Variants in ZNF671 observed in about 807,000 individuals in gnomAD.
The protein encoded by ZNF671 is hypothetical protein FLJ23506.
A neutral mutation model predicts 16.6 loss-of-function variants in ZNF671; 19 were observed. That is an observed-to-expected ratio of 1.14 (90% CI 0.80 to 1.68). The LOEUF is 1.68. Among genes scored for constraint, ZNF671 ranks in the 40% most tolerant of loss-of-function variants. The pLI is 0.00. For missense variants in ZNF671, 637 were observed against 659.8 expected, an observed-to-expected ratio of 0.97 and a Z score of 0.38; for synonymous variants, 238 against 236.3, an observed-to-expected ratio of 1.01 and a Z score of -0.06.
chr19:57,725,531 G>A (rs1010498951), intron 1 of ZNF671, among the ~76,000 whole-genome samples: 1 of 152,114 alleles, frequency 6.6e-6, no homozygotes, highest in Non-Finnish European at 1.5e-5. Flanking sequence ...TCGGGAGGCT[G>A]AGGTAGGAGA....
chr19:57,725,752 C>G (rs1295382675), intron 1 of ZNF671, among the ~76,000 whole-genome samples: 5 of 151,950 alleles, frequency 3.3e-5, no homozygotes, highest in Non-Finnish European at 7.4e-5. Context: ...GCCTGGCCAA[C>G]ATGGTGAAAC....
chr19:57,724,098 C>G (rs1024088114), intron 1 of ZNF671, among the ~76,000 whole-genome samples: 20 of 151,508 alleles, frequency 1.3e-4, no homozygotes, highest in African/African-American at 4.9e-4. Flanking sequence ...TGCTCCAAAC[C>G]ATCAATGGCC....
chr19:57,722,244 T>G (rs1447528385), intron 3 of ZNF671, 72 bp downstream of exon 3: 3 of 1,585,080 alleles, frequency 1.9e-6, no homozygotes, highest in Non-Finnish European at 2.6e-6. Context: ...AAACAAACAC[T>G]GATGTGAACA....
chr19:57,721,063 G>A lies in ZNF671; in HGVS notation c.1023C>T (p.Tyr341=), dbSNP rs199775496. The change falls in exon 4 of 4, where the codon TAC becomes TAT. Residue 341 remains tyrosine (Y), a synonymous_variant. Coordinates refer to ENST00000317398, the MANE Select transcript of ZNF671 (RefSeq NM_024833.3). ...HQTVHTGERP[Y]ECSECGKFFR... is the part of the protein sequence containing the mutation. ...AGAATTTCCCACATTCGCTGCACTC[G>A]TATGGCCTTTCTCCAGTGTGAACTG... 72 of 1,613,888 alleles carry A rather than the reference G, an allele frequency of 4.5e-5. No homozygotes were observed. The highest frequency in any genetic ancestry group is 1.8e-4 in the South Asian group (16 of 91,060).
chr19:57,726,196 C>T (rs1048266390), intron 1 of ZNF671, among the ~76,000 whole-genome samples: 1 of 150,004 alleles, frequency 6.7e-6, no homozygotes, highest in African/African-American at 2.5e-5. Flanking sequence ...GTTGTGGGCA[C>T]CTGTAATCTC....
rs78797427 is a variant in ZNF671, at chr19:57,720,878, C to T, written c.1208G>A (p.Gly403Glu). The change falls in exon 4 of 4, where the codon GGG becomes GAG. Residue 403 changes from glycine (G) to glutamate (E), a missense_variant. By Grantham distance (98) the Gly-to-Glu change is moderately conservative. Transcript: ENST00000317398. The stretch of plus-strand genomic sequence containing the variant: ...TGTGTGTTTCCGACTGAACTCTTTC[C>T]CACATTCGCTGCATACATAAGGCCT... ...GARPYVCSEC[G>E]KEFSRKHTLV... The T allele has an allele frequency of 2.6e-3, 4,257 of 1,614,124 alleles. 99 individuals are homozygous for T. In the African/African-American group the frequency reaches 0.049, roughly 19 times the overall value.
intron 2 of ZNF671, 57 bp downstream of exon 2, chr19:57,723,157 A>G (rs1369225252): frequency 3.9e-6 from 6 of 1,540,024 alleles, no homozygotes; most frequent in Admixed American, 3.9e-5. Flanking sequence ...AGCGGTGCTC[A>G]TGATCCCACC....
chr19:57,723,148 G>A (rs1361270918), intron 2 of ZNF671, 66 bp downstream of exon 2: 2 of 1,524,030 alleles, frequency 1.3e-6, no homozygotes, highest in East Asian at 2.3e-5. Flanking sequence ...GGTGAAGGAA[G>A]CGGTGCTCAT....
rs768832169 is a variant in ZNF671, at chr19:57,723,199, G to T, written c.265+15C>A. ...AGAACAGAGTGGTAAAGGCAGAAAA[G>T]CATGAGGACCTTACCCAGTGAGGCT... is the stretch of plus-strand genomic sequence containing the variant. On this transcript the variant is annotated intron_variant, in intron 2 of 3. Transcript: ENST00000317398. 6.3e-7 allele frequency: 1 copy of T among 1,599,010 alleles called. No homozygotes were observed. The highest frequency in any genetic ancestry group is 1.1e-5 in the South Asian group (1 of 89,654).
intron 1 of ZNF671, among the ~76,000 whole-genome samples, chr19:57,724,544 TA>T (rs1439398146): frequency 6.7e-6 from 1 of 149,218 alleles, no homozygotes; most frequent in Non-Finnish European, 1.5e-5. Context: ...TTTTTTTTTT[TA>T]GACAGATTCT....
chr19:57,724,839 G>A (rs1985992805), intron 1 of ZNF671, among the ~76,000 whole-genome samples: 1 of 152,108 alleles, frequency 6.6e-6, no homozygotes, highest in Non-Finnish European at 1.5e-5. Flanking sequence ...TTAGGCATTT[G>A]ACACAGATCT....
Position 57,721,486 on chromosome 19 carries a change from T to A in ZNF671, c.600A>T (p.Gln200His). The change falls in exon 4 of 4, where the codon CAA becomes CAT. Residue 200 changes from glutamine (Q) to histidine (H), a missense_variant. Physicochemically the swap from Gln to His is conservative, Grantham distance 24. Coordinates refer to ENST00000317398, the MANE Select transcript of ZNF671 (RefSeq NM_024833.3). ...KPYLCGACGK[Q>H]FWFSTDFDQH... is the part of the protein sequence containing the mutation. ...GGTCAAAGTCTGTACTGAACCAGAA[T>A]TGCTTTCCACATGCCCCACACAAGT... 1 of 1,614,242 alleles carries A rather than the reference T, an allele frequency of 6.2e-7. No homozygotes were observed. Among genetic ancestry groups the A allele is most frequent in the Non-Finnish European group, 8.5e-7 (1 of 1,180,050 alleles).
At chr19:57,722,007 A>G in intron 3 of ZNF671, 1 of 550,010 alleles carries the variant, frequency 1.8e-6, no homozygotes, top group Non-Finnish European at 3.2e-6. Context: ...TCCAACTACA[A>G]GTGAGCAGCT....
In ZNF671 at chr19:57,721,619, G is replaced by A. The variant is rs184468543; in HGVS notation, c.467C>T (p.Thr156Ile). ...IFVAGVSEVR[T>I]LMAELESHPC... ...GTGAGACTCCAGCTCTGCCATGAGA[G>A]TCCTGACCTCTGACACTCCTGCTAC... is the stretch of plus-strand genomic sequence containing the variant. Residue 156 changes from threonine to isoleucine, a missense_variant, in exon 4 of 4, where the codon ACT (threonine) becomes ATT (isoleucine). Physicochemically the swap from Thr to Ile is moderately conservative, Grantham distance 89 (BLOSUM62 -1). Coordinates refer to ENST00000317398, the MANE Select transcript of ZNF671 (RefSeq NM_024833.3). 4 of 1,614,200 alleles carry A rather than the reference G, an allele frequency of 2.5e-6. No homozygotes were observed. Among genetic ancestry groups the A allele is most frequent in the Non-Finnish European group, 2.5e-6 (3 of 1,180,040 alleles).
In ZNF671 at chr19:57,723,262, A is replaced by G. The variant is rs150270291; in HGVS notation, c.217T>C (p.Leu73=). 134 of 1,613,734 alleles carry G rather than the reference A, an allele frequency of 8.3e-5. No homozygotes were observed. The highest frequency in any genetic ancestry group is 1.1e-4 in the Non-Finnish European group (125 of 1,179,818). ...WELLDDAQRL[L]YHDVMLENFA... ...TTCTCCAGCATCACATCATGGTACA[A>G]AAGTCTCTGAGCATCATCAAGAAGC... Residue 73 remains leucine, a synonymous_variant, in exon 2 of 4, where the codon TTG becomes CTG. Transcript: ENST00000317398.
In ZNF671 at chr19:57,720,880, A is replaced by T. The variant is rs1985835539; in HGVS notation, c.1206T>A (p.Cys402Ter). 6.2e-7 allele frequency: 1 copy of T among 1,614,070 alleles called. No individual in the cohort carries two copies. Among genetic ancestry groups the T allele is most frequent in the Admixed American group, 1.7e-5 (1 of 59,988 alleles). The change falls in exon 4 of 4, where the codon TGT becomes TGA. Residue 402 changes from cysteine (C) to a stop codon, truncating the protein, a stop_gained. Transcript: ENST00000317398. LOFTEE classifies it low-confidence loss of function (END_TRUNC). Reference protein sequence around the residue: ...TGARPYVCSECGKEFSRKHTL... With the variant: ...TGARPYVCSE ...TGTGTTTCCGACTGAACTCTTTCCCACATTCGCTGCATACATAAGGCCTGG... is the reference window on the plus strand; with the variant it reads ...TGTGTTTCCGACTGAACTCTTTCCCTCATTCGCTGCATACATAAGGCCTGG...
chr19:57,723,113 T>G, intron 2 of ZNF671, 101 bp downstream of exon 2: 2 of 1,473,968 alleles, frequency 1.4e-6, no homozygotes, highest in South Asian at 2.7e-5. Context: ...AGCCCTGGCA[T>G]CTTGAGCACC....
chr19:57,726,319 TAAAA>T (rs986387304), intron 1 of ZNF671, among the ~76,000 whole-genome samples: 5 of 150,180 alleles, frequency 3.3e-5, no homozygotes, highest in African/African-American at 7.4e-5. Context: ...TCAAAAAAAA[TAAAA>T]AAAATAAATA....
chr19:57,721,929 C>T (rs1985889883), intron 3 of ZNF671: 1 of 619,430 alleles, frequency 1.6e-6, no homozygotes, highest in South Asian at 2.3e-5. Context: ...AAACAAATGG[C>T]TTCCAGTAGG....
Sources: gnomAD v4.1 joint callset for allele counts (sites outside exome capture counted in the v4.1 genomes callset) on GRCh38, gnomAD v4.1.1 for gene constraint, MANE v1.5 for transcripts, NCBI Gene and HGNC (gene_info 2026-07-23, HGNC 2026-07-21) for gene names.